Variants in NCAPG observed in about 807,000 individuals in gnomAD.
The protein encoded by NCAPG is non-SMC condensin I complex subunit G.
In NCAPG, 69 loss-of-function variants were observed where a neutral mutation model predicts 113.1. The observed-to-expected ratio is 0.61, with a 90% CI of 0.50 to 0.75. The LOEUF is 0.75. Among genes scored for constraint, NCAPG ranks in the 30% least tolerant of loss-of-function variants. The pLI, the probability that NCAPG is intolerant of heterozygous loss-of-function variation, is 0.00. For missense variants in NCAPG, 1,058 were observed against 1,177.0 expected (o/e 0.90, Z 1.48); for synonymous variants, 370 against 415.8 (o/e 0.89, Z 1.34).
chr4:17,820,084 G>A (rs558508711), intron 7 of NCAPG, among the ~76,000 whole-genome samples: 2 of 152,066 alleles, frequency 1.3e-5, no homozygotes, highest in Non-Finnish European at 2.9e-5. Flanking sequence ...TATAAAAGAT[G>A]TTTATAGAAG....
rs540896853 is a variant in NCAPG, at chr4:17,826,486, C to T, written c.1653+925C>T. Among the ~76,000 whole-genome samples, 19 of 152,154 alleles carry T rather than the reference C, an allele frequency of 1.2e-4. No homozygotes were observed. The East Asian group carries it at 2.7e-3, about 22-fold the overall frequency. On this transcript the variant is annotated intron_variant, in intron 11 of 20. Coordinates refer to ENST00000251496, the MANE Select transcript of NCAPG (RefSeq NM_022346.5). ...ATAGCTGGTGGCTTCTTTTATTTGA[C>T]GAAGTCTGTGGGCCATTATAGGCTA... is the stretch of plus-strand genomic sequence containing the variant.
chr4:17,828,892 T>C (rs1467267727), intron 12 of NCAPG, among the ~76,000 whole-genome samples: 5 of 151,892 alleles, frequency 3.3e-5, no homozygotes, highest in Admixed American at 3.3e-4. Flanking sequence ...TATGTAACTT[T>C]ACATTTTTTA....
At chr4:17,815,411 C>A (rs1468844186) in intron 5 of NCAPG, 53 bp downstream of exon 5, 2 of 1,337,004 alleles carry the variant, frequency 1.5e-6, no homozygotes, top group Non-Finnish European at 2.1e-6. Flanking sequence ...TGAGGTCAGA[C>A]TTAACAAGGT....
At chr4:17,840,247 T>G (rs558210452) in intron 18 of NCAPG, 38 bp downstream of exon 18, 63 of 1,166,750 alleles carry the variant, frequency 5.4e-5, no homozygotes, top group Middle Eastern at 4.5e-4. Context: ...TAAGGTTCTG[T>G]TTTTTTTTTT....
At chr4:17,827,568 T>C (rs1005822668) in intron 11 of NCAPG, among the ~76,000 whole-genome samples, 4 of 152,080 alleles carry the variant, frequency 2.6e-5, no homozygotes, top group East Asian at 1.9e-4. Flanking sequence ...ACTGGGTAGA[T>C]GGTGATGACA....
chr4:17,842,829 T>A (rs1560237055), intron 20 of NCAPG: 1 of 165,812 alleles, frequency 6.0e-6, no homozygotes, highest in Non-Finnish European at 1.3e-5. Flanking sequence ...TGTATTCATT[T>A]GCAAAATTGT....
chr4:17,833,746 G>A (rs977693324), intron 13 of NCAPG, among the ~76,000 whole-genome samples: 3 of 151,452 alleles, frequency 2.0e-5, no homozygotes, highest in Non-Finnish European at 2.9e-5. Flanking sequence ...CGTGATTTAC[G>A]TCTTTTCATA....
chr4:17,812,137 A>T, intron 1 of NCAPG, 84 bp from the exon 2 acceptor site: 1 of 961,584 alleles, frequency 1.0e-6, no homozygotes, highest in Non-Finnish European at 1.6e-6. Context: ...TATTATGGCT[A>T]GTGCTTTCAT....
chr4:17,830,001 C>T (rs1366103234), intron 12 of NCAPG, among the ~76,000 whole-genome samples: 2 of 152,242 alleles, frequency 1.3e-5, no homozygotes, highest in African/African-American at 2.4e-5. Flanking sequence ...GTAGACATTA[C>T]ATGTATGAAA....
intron 7 of NCAPG, 116 bp from the exon 8 acceptor site, chr4:17,822,867 A>G (rs1721513969): frequency 1.5e-6 from 1 of 686,874 alleles, no homozygotes. Flanking sequence ...CATGGCATAG[A>G]TATGTATTTA....
At chr4:17,827,040 A>C (rs762001535) in intron 11 of NCAPG, among the ~76,000 whole-genome samples, 1 of 152,228 alleles carries the variant, frequency 6.6e-6, no homozygotes, top group Non-Finnish European at 1.5e-5. Context: ...AAGTGGCTCT[A>C]GACTTGTGCT....
At chr4:17,814,532 C>T (rs919853472) in intron 3 of NCAPG, among the ~76,000 whole-genome samples, 8 of 152,214 alleles carry the variant, frequency 5.3e-5, no homozygotes, top group African/African-American at 1.9e-4. Flanking sequence ...TGGCCTCAAA[C>T]TCCTGGGCTT....
intron 5 of NCAPG, among the ~76,000 whole-genome samples, 168 bp downstream of exon 5, chr4:17,815,526 G>GATAT (rs151236987): frequency 1.6e-4 from 25 of 151,818 alleles, no homozygotes; most frequent in African/African-American, 6.0e-4. Context: ...TAAAGATTTT[G>GATAT]ATATATATAT....
rs764519695 is a variant in NCAPG, at chr4:17,839,887, A to T, written c.2628+50A>T. The T allele has an allele frequency of 2.0e-6, 3 of 1,524,230 alleles. No individual in the cohort carries two copies. The South Asian group carries it at 3.7e-5, about 19-fold the overall frequency. 94.4% of individuals were successfully genotyped at this position (1,524,230 alleles called of 1,614,324 possible). On this transcript the variant is annotated intron_variant, in intron 17 of 20. Transcript: ENST00000251496. Reference sequence around the variant, plus strand: ...AATTAGTTTGTGTTTATATTTATACATGTAGAATTTACATGGTTGTATTAG... The same window carrying T: ...AATTAGTTTGTGTTTATATTTATACTTGTAGAATTTACATGGTTGTATTAG...
In NCAPG at chr4:17,813,025, A is replaced by G; in HGVS notation, c.424A>G (p.Lys142Glu). The change falls in exon 3 of 21, where the codon AAA becomes GAA. Residue 142 changes from lysine (K) to glutamate (E), a missense_variant. Physicochemically the swap from Lys to Glu is moderately conservative, Grantham distance 56. Transcript: ENST00000251496. ...NAQIDDDVFD[K>E]INKAMLIRLK... ...TCAGATTGATGATGATGTGTTTGAT[A>G]AAATTAATAAAGCCATGCTTATTAG... The G allele has an allele frequency of 1.9e-6, 3 of 1,614,096 alleles. No homozygotes were observed. Among genetic ancestry groups the G allele is most frequent in the Non-Finnish European group, 2.5e-6 (3 of 1,179,942 alleles).
rs1305906840 is a variant in NCAPG at position 17,815,347 on chromosome 4, A to G, written c.764A>G (p.Asn255Ser). Reference protein sequence around the residue: ...QRVMLLQQGLNDRSDAVKQAM... With the variant: ...QRVMLLQQGLSDRSDAVKQAM... ...GTAATGCTCCTTCAACAAGGTCTTA[A>G]TGACAGATCAGGTAAGATAAACAAC... The change falls in exon 5 of 21, where the codon AAT becomes AGT. Residue 255 changes from asparagine to serine, a missense_variant. By Grantham distance (46) the Asn-to-Ser change is conservative. Transcript: ENST00000251496. 6.3e-7 allele frequency: 1 copy of G among 1,585,362 alleles called. No individual in the cohort carries two copies. Among genetic ancestry groups the G allele is most frequent in the Non-Finnish European group, 8.5e-7 (1 of 1,172,860 alleles).
intron 16 of NCAPG, among the ~76,000 whole-genome samples, chr4:17,838,083 A>T (rs530348798): frequency 2.0e-5 from 3 of 152,282 alleles, no homozygotes; most frequent in Middle Eastern, 3.4e-3. Flanking sequence ...GTAATAACCT[A>T]TGTTATCTAG....
chr4:17,839,986 T>A, intron 17 of NCAPG, 85 bp from the exon 18 acceptor site: 7 of 1,495,222 alleles, frequency 4.7e-6, no homozygotes, highest in Non-Finnish European at 6.3e-6. Flanking sequence ...TTAGTGTTTT[T>A]AAACAACTTG....
intron 13 of NCAPG, among the ~76,000 whole-genome samples, chr4:17,833,008 A>G (rs1721922658): frequency 6.6e-6 from 1 of 152,170 alleles, no homozygotes; most frequent in Non-Finnish European, 1.5e-5. Context: ...TTCATTATTT[A>G]CAGGTGATAT....
Sources: allele counts gnomAD v4.1 joint callset (sites outside exome capture counted in the v4.1 genomes callset), GRCh38; gene constraint gnomAD v4.1.1; transcripts MANE v1.5; gene names NCBI Gene and HGNC (gene_info 2026-07-23, HGNC 2026-07-21).